DLG1: variants seen among roughly 807,000 people sequenced by gnomAD.
DLG1 encodes the protein discs large MAGUK scaffold protein 1.
In DLG1, 42 loss-of-function variants were observed where a neutral mutation model predicts 123.4. The ratio of observed to expected loss-of-function variants is 0.34; its 90% CI spans 0.27 to 0.44. The LOEUF (loss-of-function observed/expected upper bound fraction) is 0.44. Ranked by LOEUF, DLG1 falls within the 20% of genes least tolerant of loss-of-function variation. The pLI, the probability that DLG1 is intolerant of heterozygous loss-of-function variation, is 1.00. For synonymous variants in DLG1, 317 were observed against 356.2 expected (o/e 0.89, Z 1.24); for missense variants, 942 against 1,082.6 (o/e 0.87, Z 1.82).
rs760676689 is a variant in DLG1 at position 197,140,216 on chromosome 3, G to T, written c.637C>A (p.His213Asn). 3.1e-5 allele frequency: 50 copies of T among 1,613,494 alleles called. No homozygotes were observed. Among genetic ancestry groups the T allele is most frequent in the Non-Finnish European group, 4.2e-5 (49 of 1,179,728 alleles). ...AAAATACTTGAGTCATCTCCAATGT[G>T]TGGGTTGTCCGTACCTCCTGCAATG... is the stretch of plus-strand genomic sequence containing the variant. The part of the protein sequence containing the change: ...FSIAGGTDNP[H>N]IGDDSSIFIT... Residue 213 changes from histidine (H) to asparagine (N), a missense_variant, in exon 8 of 25, where the codon CAC (histidine) becomes AAC (asparagine). Coordinates refer to ENST00000667157, the MANE Select transcript of DLG1 (RefSeq NM_001366207.1).
chr3:197,141,658 C>T (rs2149666218), intron 7 of DLG1, among the ~76,000 whole-genome samples: 1 of 152,206 alleles, frequency 6.6e-6, no homozygotes, highest in East Asian at 1.9e-4. Flanking sequence ...ACTAGATTTC[C>T]ATAAAATGCT....
chr3:197,244,123 C>G (rs1437482250), intron 4 of DLG1, among the ~76,000 whole-genome samples: 1 of 152,142 alleles, frequency 6.6e-6, no homozygotes, highest in Non-Finnish European at 1.5e-5. Flanking sequence ...CTTTAGGTCT[C>G]CAAGAAATGC....
intron 4 of DLG1, among the ~76,000 whole-genome samples, chr3:197,257,229 TAA>T (rs1164245399): frequency 6.6e-6 from 1 of 152,102 alleles, no homozygotes; most frequent in East Asian, 1.9e-4. Flanking sequence ...AATATTTAAA[TAA>T]AAGATAGCTG....
chr3:197,213,069 AT>A (rs1204541534), intron 4 of DLG1, among the ~76,000 whole-genome samples: 6 of 152,234 alleles, frequency 3.9e-5, no homozygotes, highest in Non-Finnish European at 8.8e-5. Context: ...CAAGACAGTT[AT>A]CAAAGAGAAA....
chr3:197,180,695 G>C (rs762807968), intron 5 of DLG1, among the ~76,000 whole-genome samples: 5 of 152,286 alleles, frequency 3.3e-5, no homozygotes, highest in Non-Finnish European at 7.4e-5. Context: ...GAGGAAATCA[G>C]GGGAATCGGG....
intron 24 of DLG1, among the ~76,000 whole-genome samples, chr3:197,045,034 C>CTGAT (rs1410814629): frequency 6.6e-6 from 1 of 151,662 alleles, no homozygotes; most frequent in African/African-American, 2.4e-5. Flanking sequence ...CTTAACTTTC[C>CTGAT]TGATTTCTCC....
chr3:197,256,955 T>C (rs925139598), intron 4 of DLG1, among the ~76,000 whole-genome samples: 2 of 145,544 alleles, frequency 1.4e-5, no homozygotes, highest in Admixed American at 6.7e-5. Context: ...TTCAACACAG[T>C]AATATGATCT....
At chr3:197,066,635 A>G in intron 20 of DLG1, 69 bp downstream of exon 20, 1 of 1,274,222 alleles carries the variant, frequency 7.8e-7, no homozygotes, top group South Asian at 1.4e-5. Flanking sequence ...GGGTATGAGA[A>G]TTTTTTTCCC....
intron 17 of DLG1, chr3:197,078,497 C>T (rs1748765193): frequency 1.3e-5 from 2 of 152,072 alleles, no homozygotes; most frequent in African/African-American, 4.8e-5. Flanking sequence ...AGCAGACTGT[C>T]TTGATTTCAA....
chr3:197,223,295 C>T (rs1218688191), intron 4 of DLG1, among the ~76,000 whole-genome samples: 1 of 152,158 alleles, frequency 6.6e-6, no homozygotes, highest in Non-Finnish European at 1.5e-5. Context: ...TCCAATTATA[C>T]ACACGCATGC....
intron 5 of DLG1, chr3:197,183,952 C>G: frequency 7.0e-7 from 1 of 1,429,392 alleles, no homozygotes; most frequent in Non-Finnish European, 9.1e-7. Context: ...AAATGATGCT[C>G]ATTTTCTCAG....
chr3:197,248,793 C>T (rs1040227193), intron 4 of DLG1, among the ~76,000 whole-genome samples: 4 of 152,118 alleles, frequency 2.6e-5, no homozygotes, highest in Non-Finnish European at 1.5e-5. Context: ...GCTTGGTGGA[C>T]GGAGGCATGC....
intron 24 of DLG1, among the ~76,000 whole-genome samples, chr3:197,046,592 C>A (rs1723244259): frequency 6.6e-6 from 1 of 152,152 alleles, no homozygotes; most frequent in African/African-American, 2.4e-5. Context: ...GGGTCTTTGG[C>A]CGGGTGCAGT....
intron 3 of DLG1, among the ~76,000 whole-genome samples, chr3:197,284,156 C>G (rs1770713119): frequency 6.6e-6 from 1 of 152,076 alleles, no homozygotes; most frequent in Non-Finnish European, 1.5e-5. Flanking sequence ...CCAGTGCACC[C>G]AGCCCCCTTT....
chr3:197,084,340 C>T (rs1752930588), intron 16 of DLG1, among the ~76,000 whole-genome samples: 1 of 149,494 alleles, frequency 6.7e-6, no homozygotes, highest in Non-Finnish European at 1.5e-5. Flanking sequence ...GAGTCAGAGT[C>T]TTGCTCTGTC....
rs78676945 is a variant in DLG1 at position 197,172,687 on chromosome 3, G to C, written c.483+21738C>G. Among the ~76,000 whole-genome samples, 9 of 152,218 alleles carry C rather than the reference G, an allele frequency of 5.9e-5. No individual in the cohort carries two copies. In the East Asian group the frequency reaches 1.7e-3, roughly 29 times the overall value. On this transcript the variant is annotated intron_variant, in intron 5 of 24. Transcript: ENST00000667157. The stretch of plus-strand genomic sequence containing the variant: ...ATATACATAGTAGACATTGCTAAAA[G>C]GTTATTTCTGTGTTTCTGGGCAGCC...
chr3:197,292,451 G>A (rs1328405329), intron 3 of DLG1, among the ~76,000 whole-genome samples: 1 of 152,236 alleles, frequency 6.6e-6, no homozygotes, highest in Non-Finnish European at 1.5e-5. Context: ...GGGCTGGGAA[G>A]TGAGAGGAAA....
chr3:197,080,267 C>CTTTTTTT lies in DLG1; in HGVS notation c.1905+777_1905+783dup, dbSNP rs767056279. 5.2e-4 allele frequency among the ~76,000 whole-genome samples: 27 copies of CTTTTTTT among 51,902 alleles called. 3 individuals are homozygous for CTTTTTTT. Among genetic ancestry groups the CTTTTTTT allele is most frequent in the African/African-American group, 2.2e-3 (26 of 11,982 alleles). 34.0% of individuals were successfully genotyped at this position (51,902 alleles called of 152,430 possible). On this transcript the variant is annotated intron_variant, in intron 17 of 24. Transcript: ENST00000667157. ...TATGATGAAAGAATTGATATATTTC[C>CTTTTTTT]TTTTTTTTTTTTTTTTTTTTTTTTT...
chr3:197,092,168 A>G (rs1758089980), intron 14 of DLG1, among the ~76,000 whole-genome samples: 1 of 152,200 alleles, frequency 6.6e-6, no homozygotes. Context: ...AGAAACAGCT[A>G]AACTATAGAC....
Sources: gnomAD v4.1 joint callset for allele counts (sites outside exome capture counted in the v4.1 genomes callset) on GRCh38, gnomAD v4.1.1 for gene constraint, MANE v1.5 for transcripts, NCBI Gene and HGNC (gene_info 2026-07-23, HGNC 2026-07-21) for gene names.